The following NAV3 variants were observed in gnomAD, a reference collection of about 807,000 sequenced individuals.
The protein encoded by NAV3 is neuron navigator 3, also known as pore membrane and/or filament interacting like protein 1.
Under a neutral mutation model 244.7 loss-of-function variants are expected in NAV3, and 87 were observed. The observed-to-expected ratio is 0.36, with a 90% CI of 0.30 to 0.42. The LOEUF is 0.42. Ranked by LOEUF, NAV3 falls within the 20% of genes least tolerant of loss-of-function variation. The probability of loss-of-function intolerance (pLI) is 1.00; values close to 1 mark genes in which losing one functional copy is unlikely to be tolerated. For synonymous variants in NAV3, 1,126 were observed against 1,042.2 expected (o/e 1.08, Z -1.55); for missense variants, 2,663 against 2,893.3 (o/e 0.92, Z 1.83).
chr12:78,149,220 A>C (rs1047352202), intron 22 of NAV3, among the ~76,000 whole-genome samples: 1 of 152,122 alleles, frequency 6.6e-6, no homozygotes, highest in African/African-American at 2.4e-5. Context: ...CTTGCATAAG[A>C]TTCTCTGACA....
At chr12:78,023,874 T>C (rs1171499034) in intron 9 of NAV3, among the ~76,000 whole-genome samples, 1 of 152,166 alleles carries the variant, frequency 6.6e-6, no homozygotes, top group African/African-American at 2.4e-5. Context: ...TACACGGGTG[T>C]TCTTTCTAAC....
chr12:77,639,467 T>C (rs990534452), intron 2 of NAV3, among the ~76,000 whole-genome samples: 5 of 152,186 alleles, frequency 3.3e-5, no homozygotes, highest in Admixed American at 1.3e-4. Flanking sequence ...TTATCAGCCA[T>C]CTCGTCTAAC....
intron 2 of NAV3, among the ~76,000 whole-genome samples, chr12:77,657,743 C>T (rs1312992449): frequency 6.6e-6 from 1 of 152,016 alleles, no homozygotes; most frequent in Admixed American, 6.6e-5. Flanking sequence ...GCAGCACATC[C>T]AAAAGCTTAT....
At chr12:78,156,617 T>C (rs1219030226) in intron 22 of NAV3, among the ~76,000 whole-genome samples, 1 of 152,118 alleles carries the variant, frequency 6.6e-6, no homozygotes, top group African/African-American at 2.4e-5. Context: ...GATTAAACCT[T>C]ACATTTCTCC....
intron 5 of NAV3, among the ~76,000 whole-genome samples, chr12:77,990,820 C>T (rs1446738020): frequency 6.6e-6 from 1 of 151,932 alleles, no homozygotes; most frequent in Non-Finnish European, 1.5e-5. Flanking sequence ...ATTTTTCTTG[C>T]AATTTATTTG....
intron 2 of NAV3, among the ~76,000 whole-genome samples, chr12:77,750,091 C>T (rs1026527877): frequency 5.9e-5 from 9 of 152,128 alleles, no homozygotes; most frequent in African/African-American, 7.2e-5. Flanking sequence ...CGGTGGCTTA[C>T]GCCTGTAATC....
chr12:77,821,128 T>G (rs558030560), intron 2 of NAV3, among the ~76,000 whole-genome samples: 14 of 151,618 alleles, frequency 9.2e-5, no homozygotes, highest in African/African-American at 3.4e-4. Context: ...TTTTGAAATA[T>G]CCTCAGAGTT....
rs1325050088 is a variant in NAV3, at chr12:78,197,309, G to C, written c.6354G>C (p.Glu2118Asp). ...EQCSADNNGVELPVVIILDNL... is the reference protein window; with the variant it reads ...EQCSADNNGVDLPVVIILDNL... The stretch of plus-strand genomic sequence containing the variant: ...GCAGTGCTGATAATAATGGAGTGGA[G>C]CTCCCAGTTGTAATAATTCTTGATA... The change falls in exon 35 of 40, where the codon GAG becomes GAC. Residue 2118 changes from glutamate (E) to aspartate (D), a missense_variant. Around this residue, in one of 6 missense-constraint regions of NAV3, gnomAD observed 543 missense variants for 672.4 expected, o/e 0.81. Coordinates refer to ENST00000397909, the MANE Select transcript of NAV3 (RefSeq NM_001024383.2). 1.2e-6 allele frequency: 2 copies of C among 1,608,530 alleles called. No individual in the cohort carries two copies. The highest frequency in any genetic ancestry group is 1.7e-6 in the Non-Finnish European group (2 of 1,176,692).
At chr12:78,159,163 T>A in intron 22 of NAV3, 40 bp from the exon 23 acceptor site, 1 of 1,558,826 alleles carries the variant, frequency 6.4e-7, no homozygotes, top group Non-Finnish European at 8.8e-7. Context: ...CCACATAAGA[T>A]TCTGACATTT....
At chr12:77,691,327 G>GTCTATATATATA (rs1565774001) in intron 2 of NAV3, among the ~76,000 whole-genome samples, 1 of 10,046 alleles carries the variant, frequency 1.0e-4, no homozygotes, top group Non-Finnish European at 2.6e-4. Flanking sequence ...ATAAGTATTT[G>GTCTATATATATA]TGTATGTGTG....
chr12:78,031,764 A>T (rs955901692), intron 9 of NAV3, among the ~76,000 whole-genome samples: 14 of 147,120 alleles, frequency 9.5e-5, no homozygotes, highest in Non-Finnish European at 2.1e-4. Flanking sequence ...AGGGATAGCA[A>T]TGGGAGATAT....
intron 2 of NAV3, among the ~76,000 whole-genome samples, chr12:77,782,407 A>G (rs1166208110): frequency 6.6e-6 from 1 of 151,958 alleles, no homozygotes; most frequent in East Asian, 1.9e-4. Flanking sequence ...AAAATTAAAA[A>G]TGGATTAGAC....
chr12:78,155,093 A>G (rs1957248946), intron 22 of NAV3, among the ~76,000 whole-genome samples: 1 of 152,004 alleles, frequency 6.6e-6, no homozygotes, highest in Non-Finnish European at 1.5e-5. Context: ...CATATGCCAT[A>G]GTGATTTGCT....
intron 12 of NAV3, among the ~76,000 whole-genome samples, chr12:78,096,398 A>G (rs1017291828): frequency 1.3e-5 from 2 of 152,084 alleles, no homozygotes; most frequent in African/African-American, 4.8e-5. Flanking sequence ...TCTCTGTTTG[A>G]GATGAAGGGC....
intron 2 of NAV3, among the ~76,000 whole-genome samples, chr12:77,734,800 T>TA (rs1339060929): frequency 6.6e-6 from 1 of 152,172 alleles, no homozygotes; most frequent in East Asian, 1.9e-4. Flanking sequence ...CAGGACTGCC[T>TA]AATGTGTTAA....
chr12:77,599,567 T>G (rs1170057159), intron 2 of NAV3, among the ~76,000 whole-genome samples: 1 of 151,836 alleles, frequency 6.6e-6, no homozygotes, highest in Non-Finnish European at 1.5e-5. Flanking sequence ...CAAAATTTTG[T>G]AGGCTGAAAA....
intron 20 of NAV3, among the ~76,000 whole-genome samples, chr12:78,143,224 T>G (rs1377022091): frequency 6.6e-6 from 1 of 152,184 alleles, no homozygotes; most frequent in East Asian, 1.9e-4. Flanking sequence ...TTGAAAATAT[T>G]AGCTAGATCT....
chr12:77,663,148 A>T (rs1212094688), intron 2 of NAV3, among the ~76,000 whole-genome samples: 4 of 152,212 alleles, frequency 2.6e-5, no homozygotes, highest in African/African-American at 9.6e-5. Flanking sequence ...GAGTCATTTT[A>T]GACATCTCAC....
At chr12:77,752,250 G>T (rs1868894810) in intron 2 of NAV3, among the ~76,000 whole-genome samples, 1 of 152,040 alleles carries the variant, frequency 6.6e-6, no homozygotes, top group Non-Finnish European at 1.5e-5. Flanking sequence ...TCCTGTCTTT[G>T]GTGTAAAACA....
Sources: gnomAD v4.1 joint callset for allele counts (sites outside exome capture counted in the v4.1 genomes callset) on GRCh38, gnomAD v4.1.1 for gene constraint, gnomAD v4.1.1 regional missense constraint, MANE v1.5 for transcripts, NCBI Gene and HGNC (gene_info 2026-07-23, HGNC 2026-07-21) for gene names.